The following TRDMT1 variants were observed in gnomAD, a reference collection of about 807,000 sequenced individuals.
TRDMT1 encodes the protein tRNA aspartic acid methyltransferase 1.
Under a neutral mutation model 51.2 loss-of-function variants are expected in TRDMT1, and 49 were observed. That is an observed-to-expected ratio of 0.96 (90% CI 0.76 to 1.21). The LOEUF (loss-of-function observed/expected upper bound fraction) is 1.21. Among genes scored for constraint, TRDMT1 ranks in the 50% most tolerant of loss-of-function variants. The pLI is 0.00. For synonymous variants in TRDMT1, 187 were observed against 164.6 expected, an observed-to-expected ratio of 1.14 and a Z score of -1.04; for missense variants, 534 against 462.3, an observed-to-expected ratio of 1.16 and a Z score of -1.42.
rs963641861 is a variant in TRDMT1, at chr10:17,143,639, C to T, written c.*5401G>A. On this transcript the variant is annotated 3_prime_UTR_variant, in exon 11 of 11. Transcript: ENST00000377799. The stretch of plus-strand genomic sequence containing the variant: ...ATGTTGACATGTTTAACCAAGCACA[C>T]AAATATGATTGCAAATATATGTGTG... The T allele has an allele frequency of 2.0e-6, 2 of 985,318 alleles. No individual in the cohort carries two copies. Among genetic ancestry groups the T allele is most frequent in the Admixed American group, 6.2e-5 (1 of 16,258 alleles). 61.0% of individuals were successfully genotyped at this position (985,318 alleles called of 1,614,324 possible). A position where few individuals can be genotyped will look rare whatever the true frequency, so the allele number is the denominator to read the frequency against.
At chr10:17,163,328 T>C (rs1007053547) in intron 3 of TRDMT1, among the ~76,000 whole-genome samples, 4 of 152,018 alleles carry the variant, frequency 2.6e-5, no homozygotes, top group Admixed American at 6.6e-5. Flanking sequence ...AAGACTTGAA[T>C]TGAGCCTGAG....
At chr10:17,192,312 G>T (rs1288978500) in intron 1 of TRDMT1, among the ~76,000 whole-genome samples, 1 of 152,164 alleles carries the variant, frequency 6.6e-6, no homozygotes, top group African/African-American at 2.4e-5. Flanking sequence ...TTTTGGAAGG[G>T]ATCAGAGACC....
At chr10:17,178,998 C>A (rs1842951857) in intron 1 of TRDMT1, among the ~76,000 whole-genome samples, 1 of 151,784 alleles carries the variant, frequency 6.6e-6, no homozygotes, top group Non-Finnish European at 1.5e-5. Context: ...AAAGACATAC[C>A]AGAGCCAGAG....
At position 17,143,038 on chromosome 10, in the gene TRDMT1, C is replaced by T. The variant is rs990226405; in HGVS notation, c.*6002G>A. ...ACTTTCCAAAAGCCAAAAGCCTATC[C>T]CAGAATTATTTTTTAAATCATGTGT... On this transcript the variant is annotated 3_prime_UTR_variant, in exon 11 of 11. Transcript: ENST00000377799. 4.1e-6 allele frequency: 4 copies of T among 985,206 alleles called. No homozygotes were observed. The highest frequency in any genetic ancestry group is 2.3e-4 in the East Asian group (2 of 8,828). The allele number at this position is 985,206 out of a possible 1,614,324, so 61.0% of individuals were successfully genotyped here.
chr10:17,174,163 A>G (rs1842368916), intron 2 of TRDMT1, among the ~76,000 whole-genome samples: 1 of 152,244 alleles, frequency 6.6e-6, no homozygotes, highest in South Asian at 2.1e-4. Flanking sequence ...CAGGTTTGCT[A>G]AAATAAGAAG....
chr10:17,158,977 G>A (rs1481131277), intron 7 of TRDMT1, among the ~76,000 whole-genome samples, 169 bp downstream of exon 7: 1 of 151,970 alleles, frequency 6.6e-6, no homozygotes, highest in African/African-American at 2.4e-5. Context: ...AATAAAAGTG[G>A]CAAGATGAAA....
At chr10:17,173,185 T>C (rs1253382052) in intron 2 of TRDMT1, among the ~76,000 whole-genome samples, 3 of 152,194 alleles carry the variant, frequency 2.0e-5, no homozygotes, top group Non-Finnish European at 2.9e-5. Flanking sequence ...TAAATGTAGG[T>C]ATTTATCCAC....
At chr10:17,172,707 T>A (rs1842180683) in intron 2 of TRDMT1, among the ~76,000 whole-genome samples, 1 of 152,164 alleles carries the variant, frequency 6.6e-6, no homozygotes, top group African/African-American at 2.4e-5. Flanking sequence ...TGTAGGTATA[T>A]AGATAAATAT....
At chr10:17,192,984 G>C (rs930262400) in intron 1 of TRDMT1, among the ~76,000 whole-genome samples, 5 of 152,072 alleles carry the variant, frequency 3.3e-5, no homozygotes, top group Admixed American at 3.3e-4. Context: ...TTCCCCTTGC[G>C]AACTGAAACA....
rs1210325117 is a variant in TRDMT1, at chr10:17,201,660, C to T, written c.-26G>A. On this transcript the variant is annotated 5_prime_UTR_variant, in exon 1 of 11. Transcript: ENST00000377799. ...CCCCGCGCCTCAGCCGCCGCAGCCC[C>T]GGAGCTAGGCCTGCCGGTCCGTCGC... 17 of 1,536,392 alleles carry T rather than the reference C, an allele frequency of 1.1e-5. No individual in the cohort carries two copies. The highest frequency in any genetic ancestry group is 2.0e-5 in the Admixed American group (1 of 50,412).
At position 17,157,616 on chromosome 10, in the gene TRDMT1, T is replaced by A. The variant is rs759179002; in HGVS notation, c.712A>T (p.Ile238Phe). The A allele has an allele frequency of 5.0e-6, 8 of 1,613,858 alleles. No homozygotes were observed. The highest frequency in any genetic ancestry group is 6.8e-6 in the Non-Finnish European group (8 of 1,179,930). The change falls in exon 8 of 11, where the codon ATT becomes TTT. Residue 238 changes from isoleucine (I) to phenylalanine (F), a missense_variant. Ile to Phe is a conservative substitution (Grantham distance 21). Transcript: ENST00000377799. ...CTATCTTGTTGATTTTTCCTGTGAA[T>A]TTCTTCTGCAGTTTCAAGCTTAAAA... ...ILFKLETAEE[I>F]HRKNQQDSDL...
At position 17,185,073 on chromosome 10, in the gene TRDMT1, G is replaced by A. The variant is rs116983565; in HGVS notation, c.65-10413C>T. ...CTATTAAGAGGATAATAAAGTACCC[G>A]CACCATAGAATTTTCTGAGGATTAA... On this transcript the variant is annotated intron_variant, in intron 1 of 10. Transcript: ENST00000377799. Among the ~76,000 whole-genome samples, 631 of 152,152 alleles carry A rather than the reference G, an allele frequency of 4.1e-3. 5 individuals carry two copies. Among genetic ancestry groups the A allele is most frequent in the Non-Finnish European group, 3.6e-3 (243 of 67,992 alleles).
chr10:17,147,029 T>G lies in TRDMT1; in HGVS notation c.*2011A>C. On this transcript the variant is annotated 3_prime_UTR_variant, in exon 11 of 11. Coordinates refer to ENST00000377799, the MANE Select transcript of TRDMT1 (RefSeq NM_004412.7). ...GTCTACCAGTTTGTAAGCAAATGTC[T>G]CTACAGACCTTTCAAGTATTTATAG... 1 of 985,660 alleles carries G rather than the reference T, an allele frequency of 1.0e-6. No individual in the cohort carries two copies. Among genetic ancestry groups the G allele is most frequent in the Non-Finnish European group, 1.2e-6 (1 of 829,936 alleles). The allele number at this position is 985,660 out of a possible 1,614,324, so 61.1% of individuals were successfully genotyped here.
chr10:17,150,396 A>G (rs1241623863), intron 10 of TRDMT1: 4 of 985,184 alleles, frequency 4.1e-6, no homozygotes, highest in Admixed American at 6.2e-5. Flanking sequence ...GGGTGTTTTT[A>G]CACTCTGCTT....
At chr10:17,198,820 T>TA (rs1356412403) in intron 1 of TRDMT1, among the ~76,000 whole-genome samples, 3 of 152,178 alleles carry the variant, frequency 2.0e-5, no homozygotes, top group Non-Finnish European at 4.4e-5. Context: ...TTTACCACAA[T>TA]AAAAAAATTC....
intron 1 of TRDMT1, among the ~76,000 whole-genome samples, chr10:17,189,240 T>C (rs1477968868): frequency 6.6e-6 from 1 of 152,218 alleles, no homozygotes; most frequent in Non-Finnish European, 1.5e-5. Flanking sequence ...TATATTTGTA[T>C]TTTGTTTTTG....
intron 3 of TRDMT1, among the ~76,000 whole-genome samples, chr10:17,163,227 C>G (rs1490384094): frequency 6.6e-6 from 1 of 152,100 alleles, no homozygotes; most frequent in Non-Finnish European, 1.5e-5. Flanking sequence ...ATAGATCCTA[C>G]AAGAAAGATT....
At chr10:17,186,123 C>T (rs985459198) in intron 1 of TRDMT1, among the ~76,000 whole-genome samples, 3 of 151,762 alleles carry the variant, frequency 2.0e-5, no homozygotes, top group Non-Finnish European at 2.9e-5. Context: ...AATTAACAGT[C>T]AATATTTCAA....
chr10:17,163,279 T>C (rs1840683508), intron 3 of TRDMT1, among the ~76,000 whole-genome samples: 1 of 152,036 alleles, frequency 6.6e-6, no homozygotes, highest in African/African-American at 2.4e-5. Context: ...AGACTTGAAT[T>C]GAGCCCGAGC....
Sources: allele counts gnomAD v4.1 joint callset (sites outside exome capture counted in the v4.1 genomes callset), GRCh38; gene constraint gnomAD v4.1.1; transcripts MANE v1.5; gene names NCBI Gene and HGNC (gene_info 2026-07-23, HGNC 2026-07-21).